The following RBFOX1 variants were observed in gnomAD, a reference collection of about 807,000 sequenced individuals.
The protein encoded by RBFOX1 is RNA binding protein fox-1 homolog 1.
In RBFOX1, 8 loss-of-function variants were observed where a neutral mutation model predicts 57.7. The observed-to-expected ratio is 0.14, with a 90% CI of 0.08 to 0.25. RBFOX1 has a LOEUF of 0.25. RBFOX1 is among the 10% of genes least tolerant of loss of function. The pLI, the probability that RBFOX1 is intolerant of heterozygous loss-of-function variation, is 1.00. For missense variants in RBFOX1, 611 were observed against 548.5 expected (o/e 1.11, Z -1.14); for synonymous variants, 326 against 222.4 (o/e 1.47, Z -4.15).
chr16:6,454,031 C>T (rs973109225), intron 2 of RBFOX1, among the ~76,000 whole-genome samples: 1 of 152,316 alleles, frequency 6.6e-6, no homozygotes, highest in African/African-American at 2.4e-5. Flanking sequence ...GCCGTCTTCT[C>T]TCTGGGTTTT....
At chr16:7,339,170 T>G (rs946949719) in intron 4 of RBFOX1, among the ~76,000 whole-genome samples, 1 of 152,174 alleles carries the variant, frequency 6.6e-6, no homozygotes, top group African/African-American at 2.4e-5. Flanking sequence ...AGCCTCAGTT[T>G]TCTAGGCTGC....
chr16:6,775,105 C>T (rs1288954612), intron 3 of RBFOX1, among the ~76,000 whole-genome samples: 1 of 150,350 alleles, frequency 6.7e-6, no homozygotes. Flanking sequence ...TCTGGCGGAT[C>T]ACGAGGTCAG....
chr16:6,685,523 G>A (rs1055821411), intron 3 of RBFOX1, among the ~76,000 whole-genome samples: 2 of 147,510 alleles, frequency 1.4e-5, no homozygotes, highest in South Asian at 2.1e-4. Flanking sequence ...CCTCACCTCC[G>A]GTGATCCGCG....
intron 5 of RBFOX1, among the ~76,000 whole-genome samples, chr16:7,565,655 C>T (rs752616967): frequency 6.6e-6 from 1 of 152,224 alleles, no homozygotes; most frequent in African/African-American, 2.4e-5. Context: ...ACTCAACCAT[C>T]GCTCACATAA....
chr16:5,835,939 C>T (rs2164509), intron 3 of RBFOX1, among the ~76,000 whole-genome samples: 78,717 of 151,808 alleles, frequency 0.52, 20,849 homozygotes, highest in East Asian at 0.71. Context: ...TGAGTCTTGG[C>T]GTCACAGGGA....
At chr16:7,102,737 G>A (rs919662664) in intron 4 of RBFOX1, among the ~76,000 whole-genome samples, 3 of 152,100 alleles carry the variant, frequency 2.0e-5, no homozygotes, top group African/African-American at 7.2e-5. Flanking sequence ...AAAGTTTGGA[G>A]ACTTAACATT....
At chr16:6,872,573 A>C (rs542964067) in intron 3 of RBFOX1, among the ~76,000 whole-genome samples, 1 of 152,186 alleles carries the variant, frequency 6.6e-6, no homozygotes, top group Non-Finnish European at 1.5e-5. Flanking sequence ...AAAAAAGATA[A>C]GAACGTTTGG....
intron 4 of RBFOX1, among the ~76,000 whole-genome samples, chr16:7,516,111 C>G (rs555728700): frequency 6.6e-6 from 1 of 152,272 alleles, no homozygotes; most frequent in African/African-American, 2.4e-5. Context: ...TCCCAAAGTG[C>G]TGGAATTACA....
intron 1 of RBFOX1, among the ~76,000 whole-genome samples, chr16:5,432,536 A>AG (rs2067774673): frequency 8.4e-6 from 1 of 118,482 alleles, no homozygotes; most frequent in Non-Finnish European, 1.7e-5. Flanking sequence ...ACAACTGGGG[A>AG]GTTTTTTTTT....
chr16:7,297,361 A>T (rs1434457276), intron 4 of RBFOX1, among the ~76,000 whole-genome samples: 3 of 152,164 alleles, frequency 2.0e-5, no homozygotes, highest in Admixed American at 6.5e-5. Flanking sequence ...CAGGTTTCCA[A>T]CCTGGCAGTC....
At chr16:6,119,571 T>G (rs2096533069) in intron 1 of RBFOX1, among the ~76,000 whole-genome samples, 1 of 152,242 alleles carries the variant, frequency 6.6e-6, no homozygotes, top group Non-Finnish European at 1.5e-5. Context: ...GGAACACTTG[T>G]GTAAGGAAGC....
chr16:6,157,179 ATGATT>A (rs1247335161), intron 1 of RBFOX1, among the ~76,000 whole-genome samples: 5 of 152,028 alleles, frequency 3.3e-5, no homozygotes, highest in Admixed American at 6.5e-5. Flanking sequence ...ATTTATTTTT[ATGATT>A]TGATTTATTT....
chr16:7,577,493 C>T (rs2093429614), intron 5 of RBFOX1, among the ~76,000 whole-genome samples: 1 of 152,240 alleles, frequency 6.6e-6, no homozygotes, highest in African/African-American at 2.4e-5. Flanking sequence ...TCTTAGACAT[C>T]TCCCACTTAA....
chr16:7,069,504 A>G (rs116442549), intron 4 of RBFOX1, among the ~76,000 whole-genome samples: 2,179 of 152,260 alleles, frequency 0.014, 53 homozygotes, highest in African/African-American at 0.049. Context: ...AGCTTCATCT[A>G]TGTCCTTGCA....
chr16:7,401,515 A>C (rs941797571), intron 4 of RBFOX1, among the ~76,000 whole-genome samples: 7 of 152,238 alleles, frequency 4.6e-5, no homozygotes, highest in African/African-American at 1.7e-4. Flanking sequence ...GGTAAAAAAT[A>C]GAAAAATAAA....
chr16:7,337,670 G>A (rs1487258042), intron 4 of RBFOX1, among the ~76,000 whole-genome samples: 2 of 152,008 alleles, frequency 1.3e-5, no homozygotes, highest in Non-Finnish European at 2.9e-5. Flanking sequence ...AATGTTTTTT[G>A]TGTTTGTTTT....
rs183733640 is a variant in RBFOX1, at chr16:6,743,131, C to G, written c.-16+88481C>G. Among the ~76,000 whole-genome samples the G allele has an allele frequency of 3.3e-3, 508 of 152,166 alleles. 6 individuals are homozygous for G. The highest frequency in any genetic ancestry group is 0.011 in the African/African-American group (463 of 41,536). On this transcript the variant is annotated intron_variant, in intron 3 of 15. Transcript: ENST00000550418. ...TTCAAAATAAGTTATAAAGATTTGC[C>G]TTTTATAGTGTTACTGTAAACCCTT...
intron 2 of RBFOX1, among the ~76,000 whole-genome samples, chr16:6,403,146 G>C (rs1163335978): frequency 6.6e-6 from 1 of 152,116 alleles, no homozygotes; most frequent in South Asian, 2.1e-4. Context: ...TGAACCAGCA[G>C]CATGAGTATC....
At chr16:6,881,423 G>A (rs867811421) in intron 3 of RBFOX1, among the ~76,000 whole-genome samples, 11 of 152,144 alleles carry the variant, frequency 7.2e-5, no homozygotes, top group South Asian at 6.2e-4. Context: ...GGCAAGATTG[G>A]TTCCTTCTGA....
Sources: allele counts gnomAD v4.1 joint callset (sites outside exome capture counted in the v4.1 genomes callset), GRCh38; gene constraint gnomAD v4.1.1; transcripts MANE v1.5; gene names NCBI Gene and HGNC (gene_info 2026-07-23, HGNC 2026-07-21).